The following RASGRF2 variants were observed in gnomAD, a reference collection of about 807,000 sequenced individuals.
RASGRF2 encodes the protein Ras protein specific guanine nucleotide releasing factor 2, also known as ras-specific guanine nucleotide-releasing factor 2.
In RASGRF2, 76 loss-of-function variants were observed where a neutral mutation model predicts 151.0. The ratio of observed to expected loss-of-function variants is 0.50; its 90% CI spans 0.42 to 0.61. The LOEUF (loss-of-function observed/expected upper bound fraction) is 0.61. Ranked by LOEUF, RASGRF2 falls within the 20% of genes least tolerant of loss-of-function variation. The pLI is 0.00. For missense variants in RASGRF2, 1,148 were observed against 1,564.6 expected, an observed-to-expected ratio of 0.73 and a Z score of 4.49; for synonymous variants, 504 against 566.5, an observed-to-expected ratio of 0.89 and a Z score of 1.57.
At chr5:81,014,664 C>T (rs914171864) in intron 1 of RASGRF2, among the ~76,000 whole-genome samples, 15 of 152,168 alleles carry the variant, frequency 9.9e-5, no homozygotes, top group African/African-American at 3.4e-4. Context: ...TGATATTTTA[C>T]AACTTGCTTT....
intron 21 of RASGRF2, among the ~76,000 whole-genome samples, chr5:81,207,700 A>G (rs1204478857): frequency 6.6e-6 from 1 of 152,246 alleles, no homozygotes; most frequent in Non-Finnish European, 1.5e-5. Flanking sequence ...AATGAAGTGA[A>G]TGATCAGGAA....
intron 1 of RASGRF2, among the ~76,000 whole-genome samples, chr5:80,964,591 A>C (rs1747666855): frequency 6.6e-6 from 1 of 152,158 alleles, no homozygotes; most frequent in African/African-American, 2.4e-5. Flanking sequence ...TATGTTGAAG[A>C]GTTCCTTACT....
chr5:81,057,704 C>A (rs934312001), intron 2 of RASGRF2, among the ~76,000 whole-genome samples: 1 of 152,046 alleles, frequency 6.6e-6, no homozygotes, highest in Non-Finnish European at 1.5e-5. Flanking sequence ...CATTAAAAAA[C>A]CTCTCTTCAG....
chr5:81,032,391 T>C (rs1303212950), intron 1 of RASGRF2, among the ~76,000 whole-genome samples: 1 of 152,066 alleles, frequency 6.6e-6, no homozygotes, highest in Admixed American at 6.5e-5. Context: ...GATGTAAAAA[T>C]CCTCAATAAA....
intron 5 of RASGRF2, among the ~76,000 whole-genome samples, chr5:81,074,580 T>A (rs142904285): frequency 1.3e-3 from 196 of 152,312 alleles, no homozygotes; most frequent in African/African-American, 4.4e-3. Flanking sequence ...AGTCTTATTT[T>A]CCCTCTTCTT....
At chr5:80,961,215 C>T (rs1173694920) in intron 1 of RASGRF2, among the ~76,000 whole-genome samples, 189 bp downstream of exon 1, 11 of 152,336 alleles carry the variant, frequency 7.2e-5, no homozygotes, top group Non-Finnish European at 1.5e-5. Flanking sequence ...CTCCCATCTC[C>T]ATACCCCTCC....
chr5:81,208,399 A>T lies in RASGRF2; in HGVS notation c.3117A>T (p.Arg1039Ser). The T allele has an allele frequency of 1.2e-6, 2 of 1,614,128 alleles. No individual in the cohort carries two copies. The highest frequency in any genetic ancestry group is 1.7e-6 in the Non-Finnish European group (2 of 1,180,020). ...GGATGAAGCTGGATAAAAACGAAAG[A>T]ACTCCTTACATTATGAAAACCAGCC... ...QGWMKLDKNE[R>S]TPYIMKTSQH... is the part of the protein sequence containing the mutation. The change falls in exon 22 of 27, where the codon AGA becomes AGT. Residue 1039 changes from arginine to serine, a missense_variant. By Grantham distance (110) the Arg-to-Ser change is moderately radical (BLOSUM62 -1). Coordinates refer to ENST00000265080, the MANE Select transcript of RASGRF2 (RefSeq NM_006909.3).
chr5:81,208,254 T>C (rs953679816), intron 21 of RASGRF2, 100 bp from the exon 22 acceptor site: 13 of 1,014,016 alleles, frequency 1.3e-5, no homozygotes, highest in Admixed American at 6.6e-5. Context: ...CTAGGCCATG[T>C]CAAATGGAAT....
chr5:81,027,129 C>T (rs1191826254), intron 1 of RASGRF2, among the ~76,000 whole-genome samples: 1 of 152,138 alleles, frequency 6.6e-6, no homozygotes, highest in Admixed American at 6.5e-5. Context: ...CCATCACCAC[C>T]GTCTATTTCC....
rs1747502607 is a variant in RASGRF2, at chr5:80,960,387, G to A, written c.-352G>A. Among the ~76,000 whole-genome samples, 2 of 151,046 alleles carry A rather than the reference G, an allele frequency of 1.3e-5. No homozygotes were observed. Among genetic ancestry groups the A allele is most frequent in the South Asian group, 2.1e-4 (1 of 4,834 alleles). The stretch of plus-strand genomic sequence containing the variant: ...CAGTCCTTCCCCGGCTGCCGCCCCA[G>A]CCCGCCGCGGGGGCTCGGCTCCCGC... On this transcript the variant is annotated 5_prime_UTR_variant, in exon 1 of 27. Transcript: ENST00000265080. This position sits in a 1 kb window ranked among gnomAD's most constrained non-coding sequence, Gnocchi z 5.5.
chr5:81,192,931 A>G (rs1755181462), intron 18 of RASGRF2, among the ~76,000 whole-genome samples: 2 of 152,196 alleles, frequency 1.3e-5, no homozygotes, highest in South Asian at 4.1e-4. Flanking sequence ...CTTGAAAATC[A>G]TTAAATTAAC....
chr5:81,111,327 G>A (rs2112540521), intron 13 of RASGRF2, among the ~76,000 whole-genome samples: 1 of 152,324 alleles, frequency 6.6e-6, no homozygotes, highest in Non-Finnish European at 1.5e-5. Context: ...GCTACTGGTG[G>A]TCCTCGTTGT....
chr5:80,976,367 G>A (rs6868527), intron 1 of RASGRF2, among the ~76,000 whole-genome samples: 3,319 of 152,166 alleles, frequency 0.022, 135 homozygotes, highest in African/African-American at 0.076. Flanking sequence ...TAATTCACTT[G>A]GGGCAAACCT....
chr5:81,082,768 G>C (rs139906315), intron 7 of RASGRF2, among the ~76,000 whole-genome samples: 1 of 152,218 alleles, frequency 6.6e-6, no homozygotes, highest in Non-Finnish European at 1.5e-5. Flanking sequence ...AGTCTAACCA[G>C]AGGCTTCAGC....
intron 17 of RASGRF2, among the ~76,000 whole-genome samples, chr5:81,172,454 TGTGTG>T (rs1754679309): frequency 6.6e-6 from 1 of 151,698 alleles, no homozygotes; most frequent in Non-Finnish European, 1.5e-5. Flanking sequence ...TGTGTGTGTG[TGTGTG>T]TGTGTGTGTG....
At chr5:81,222,516 C>G (rs1755877298) in intron 26 of RASGRF2, among the ~76,000 whole-genome samples, 1 of 152,214 alleles carries the variant, frequency 6.6e-6, no homozygotes, top group African/African-American at 2.4e-5. Context: ...AATCCCCACT[C>G]CACTCTTAAG....
In RASGRF2 at chr5:81,073,393, C is replaced by T. The variant is rs147228164; in HGVS notation, c.828C>T (p.Ala276=). The part of the protein sequence containing the change: ...VNGFLRPLRM[A]ASSKKPPISH... Reference sequence around the variant, plus strand: ...GCTTTCTCCGGCCCCTGCGTATGGCCGCCAGCTCCAAGAAGCCCCCCATCA... The same window carrying T: ...GCTTTCTCCGGCCCCTGCGTATGGCTGCCAGCTCCAAGAAGCCCCCCATCA... Residue 276 remains alanine (A), a synonymous_variant, in exon 5 of 27, where the codon GCC becomes GCT. Coordinates refer to ENST00000265080, the MANE Select transcript of RASGRF2 (RefSeq NM_006909.3). The T allele has an allele frequency of 6.8e-5, 109 of 1,614,026 alleles. No homozygotes were observed. Among genetic ancestry groups the T allele is most frequent in the Middle Eastern group, 3.3e-4 (2 of 6,084 alleles).
chr5:81,201,596 C>T (rs1755396720), intron 19 of RASGRF2, among the ~76,000 whole-genome samples, 154 bp downstream of exon 19: 1 of 152,064 alleles, frequency 6.6e-6, no homozygotes, highest in Non-Finnish European at 1.5e-5. Context: ...TTCCTGGGGG[C>T]AATTTGGGGT....
intron 1 of RASGRF2, among the ~76,000 whole-genome samples, chr5:80,972,447 A>G (rs1274355849): frequency 1.3e-5 from 2 of 151,420 alleles, no homozygotes; most frequent in Non-Finnish European, 2.9e-5. Context: ...GAGGTTGAGC[A>G]CCTTTTCAAG....
Sources: gnomAD v4.1 joint callset for allele counts (sites outside exome capture counted in the v4.1 genomes callset) on GRCh38, gnomAD v4.1.1 for gene constraint, Gnocchi (gnomAD v3.1) non-coding constraint, MANE v1.5 for transcripts, NCBI Gene and HGNC (gene_info 2026-07-23, HGNC 2026-07-21) for gene names.